Variants in LPGAT1 observed in about 807,000 individuals in gnomAD.
LPGAT1 encodes the protein acyl-CoA:lysophosphatidylglycerol acyltransferase 1.
LPGAT1 carries 11 observed loss-of-function variants against 47.5 expected under a neutral mutation model. The observed-to-expected ratio is 0.23, with a 90% CI of 0.15 to 0.38. LPGAT1 has a LOEUF of 0.38. LPGAT1 is among the 10% of genes least tolerant of loss of function. The pLI is 1.00. For missense variants in LPGAT1, 293 were observed against 439.0 expected (o/e 0.67, Z 2.97); for synonymous variants, 138 against 144.2 (o/e 0.96, Z 0.31).
At position 211,746,165 on chromosome 1, in the gene LPGAT1, A is replaced by G. The variant is rs565817638; in HGVS notation, c.*3734T>C. On this transcript the variant is annotated 3_prime_UTR_variant, in exon 8 of 8. Transcript: ENST00000366997. ...AGTCTTTAAGGAAGTGATTGTCAAAAAACACTCAGACAAATCCACAAGAAG... is the reference window on the plus strand; with the variant it reads ...AGTCTTTAAGGAAGTGATTGTCAAAGAACACTCAGACAAATCCACAAGAAG... 6.5e-6 allele frequency: 1 copy of G among 152,804 alleles called. No homozygotes were observed. Among genetic ancestry groups the G allele is most frequent in the East Asian group, 1.9e-4 (1 of 5,192 alleles). The allele number at this position is 152,804 out of a possible 1,614,324, so 9.5% of individuals were successfully genotyped here.
intron 6 of LPGAT1, among the ~76,000 whole-genome samples, chr1:211,762,207 ATAAAGCTGAAT>A (rs146375190): frequency 0.082 from 12,541 of 152,282 alleles, 636 homozygotes; most frequent in Admixed American, 0.15. Flanking sequence ...GACATTAAAA[ATAAAGCTGAAT>A]TAAAGCTGAA....
intron 2 of LPGAT1, among the ~76,000 whole-genome samples, chr1:211,804,083 T>C (rs940627846): frequency 6.6e-6 from 1 of 152,114 alleles, no homozygotes; most frequent in African/African-American, 2.4e-5. Context: ...ATTTTTATTT[T>C]TATTTTTGAG....
rs1657037248 is a variant in LPGAT1 at position 211,748,519 on chromosome 1, T to C, written c.*1380A>G. ...GGCCAACATGGTGAAACCCCATCTC[T>C]ACTAAAAATACAAAAATTAGCCAAG... On this transcript the variant is annotated 3_prime_UTR_variant, in exon 8 of 8. Coordinates refer to ENST00000366997, the MANE Select transcript of LPGAT1 (RefSeq NM_014873.3). 6.6e-6 allele frequency: 1 copy of C among 152,210 alleles called. No homozygotes were observed. Among genetic ancestry groups the C allele is most frequent in the Non-Finnish European group, 1.5e-5 (1 of 68,072 alleles). The allele number at this position is 152,210 out of a possible 1,614,324, so 9.4% of individuals were successfully genotyped here. A position where few individuals can be genotyped will look rare whatever the true frequency, so the allele number is the denominator to read the frequency against.
chr1:211,778,071 G>T (rs1228094301), intron 6 of LPGAT1, among the ~76,000 whole-genome samples: 2 of 152,122 alleles, frequency 1.3e-5, no homozygotes, highest in Admixed American at 6.5e-5. Flanking sequence ...GGCTGGGCGC[G>T]GTGGCTCACG....
intron 2 of LPGAT1, among the ~76,000 whole-genome samples, chr1:211,801,710 A>C (rs966571756): frequency 7.3e-5 from 11 of 151,256 alleles, no homozygotes; most frequent in African/African-American, 2.4e-4. Flanking sequence ...CCTGTCTCTT[A>C]AAAAAGGGAA....
intron 2 of LPGAT1, among the ~76,000 whole-genome samples, chr1:211,826,018 G>A (rs1660535452): frequency 6.6e-6 from 1 of 152,156 alleles, no homozygotes. Flanking sequence ...GCAAGCCGGG[G>A]ATGAACAAAC....
At chr1:211,777,284 T>C (rs1325970859) in intron 6 of LPGAT1, among the ~76,000 whole-genome samples, 2 of 152,322 alleles carry the variant, frequency 1.3e-5, no homozygotes, top group East Asian at 3.9e-4. Context: ...TGTTCTTTCT[T>C]GCTGTTTTCA....
chr1:211,805,794 G>A (rs1571751577), intron 2 of LPGAT1, among the ~76,000 whole-genome samples: 4 of 152,206 alleles, frequency 2.6e-5, no homozygotes, highest in East Asian at 1.9e-4. Context: ...AAGTTTATAA[G>A]GCCAGTATTG....
chr1:211,766,739 C>T (rs972619877), intron 6 of LPGAT1, among the ~76,000 whole-genome samples: 2 of 152,136 alleles, frequency 1.3e-5, no homozygotes, highest in Non-Finnish European at 2.9e-5. Context: ...AGTAGTGTAC[C>T]GCATATCACT....
intron 2 of LPGAT1, among the ~76,000 whole-genome samples, chr1:211,828,704 G>A (rs1211145471): frequency 6.6e-6 from 1 of 152,006 alleles, no homozygotes; most frequent in Non-Finnish European, 1.5e-5. Context: ...AATGTTTATG[G>A]GCATCTTCCA....
chr1:211,824,162 C>T (rs1660459414), intron 2 of LPGAT1, among the ~76,000 whole-genome samples: 1 of 152,054 alleles, frequency 6.6e-6, no homozygotes, highest in Admixed American at 6.6e-5. Context: ...CTGTGGGAGC[C>T]AAGGTGGGCG....
chr1:211,818,960 A>G (rs1360865778), intron 2 of LPGAT1, among the ~76,000 whole-genome samples: 2 of 152,224 alleles, frequency 1.3e-5, no homozygotes, highest in African/African-American at 4.8e-5. Flanking sequence ...GACCTCAAAG[A>G]AAATTAATTA....
intron 2 of LPGAT1, among the ~76,000 whole-genome samples, chr1:211,793,506 C>T (rs1659225466): frequency 6.6e-6 from 1 of 151,804 alleles, no homozygotes. Flanking sequence ...GATCTTGGCT[C>T]ACTGCAACCT....
intron 2 of LPGAT1, among the ~76,000 whole-genome samples, chr1:211,810,051 A>G (rs1273095305): frequency 6.6e-6 from 1 of 152,096 alleles, no homozygotes; most frequent in African/African-American, 2.4e-5. Context: ...GTAGAGCCGG[A>G]AAGGAATTTT....
At chr1:211,754,702 A>G (rs1366188847) in intron 6 of LPGAT1, among the ~76,000 whole-genome samples, 1 of 152,176 alleles carries the variant, frequency 6.6e-6, no homozygotes, top group Non-Finnish European at 1.5e-5. Context: ...TTTGAAAATT[A>G]TAATGATGCA....
At chr1:211,751,130 C>A in intron 6 of LPGAT1, 63 bp from the exon 7 acceptor site, 3 of 1,035,444 alleles carry the variant, frequency 2.9e-6, no homozygotes. Flanking sequence ...TCATTCAGAA[C>A]CACAACTTAT....
chr1:211,759,976 G>A (rs1009945237), intron 6 of LPGAT1, among the ~76,000 whole-genome samples: 3 of 152,224 alleles, frequency 2.0e-5, no homozygotes, highest in Admixed American at 1.3e-4. Context: ...TATAAAGATT[G>A]TACCAATTTA....
chr1:211,827,310 T>G (rs1660569623), intron 2 of LPGAT1, among the ~76,000 whole-genome samples: 1 of 152,138 alleles, frequency 6.6e-6, no homozygotes, highest in Admixed American at 6.5e-5. Flanking sequence ...AGTTCTATAG[T>G]CAGCAAGGAA....
intron 2 of LPGAT1, among the ~76,000 whole-genome samples, chr1:211,798,221 G>A (rs1331623098): frequency 2.0e-5 from 3 of 152,118 alleles, no homozygotes; most frequent in Non-Finnish European, 2.9e-5. Flanking sequence ...TCTCACTTAT[G>A]AAACAATAAT....
Sources: allele counts gnomAD v4.1 joint callset (sites outside exome capture counted in the v4.1 genomes callset), GRCh38; gene constraint gnomAD v4.1.1; transcripts MANE v1.5; gene names NCBI Gene and HGNC (gene_info 2026-07-23, HGNC 2026-07-21).